The following ATP2C1 variants were observed in gnomAD, a reference collection of about 807,000 sequenced individuals.
ATP2C1 encodes the protein ATPase secretory pathway Ca2+ transporting 1.
A neutral mutation model predicts 120.5 loss-of-function variants in ATP2C1; 31 were observed. The ratio of observed to expected loss-of-function variants is 0.26; its 90% CI spans 0.19 to 0.35. ATP2C1 has a LOEUF of 0.35. Ranked by LOEUF, ATP2C1 falls within the 10% of genes least tolerant of loss-of-function variation. ATP2C1 has a pLI of 1.00. For missense variants in ATP2C1, 731 were observed against 1,107.5 expected (o/e 0.66, Z 4.83); for synonymous variants, 351 against 358.7 (o/e 0.98, Z 0.24).
rs1052641355 is a variant in ATP2C1 at position 130,919,088 on chromosome 3, C to T, written c.7-11328C>T. ...TGGTGCACGGCCCTCCCGCAGACCC[C>T]ACACTTGTTTCCACCTCTCCACGCA... is the stretch of plus-strand genomic sequence containing the variant. On this transcript the variant is annotated intron_variant, in intron 2 of 27. Transcript: ENST00000510168. The T allele has an allele frequency of 6.7e-5, 31 of 463,364 alleles. No homozygotes were observed. In the East Asian group the frequency reaches 1.9e-3, roughly 29 times the overall value. The allele number at this position is 463,364 out of a possible 1,614,324, so 28.7% of individuals were successfully genotyped here. A position where few individuals can be genotyped will look rare whatever the true frequency, so the allele number is the denominator to read the frequency against.
Position 130,946,600 on chromosome 3 carries a change from C to T in ATP2C1, c.531+4901C>T, listed in dbSNP as rs867077306. Among the ~76,000 whole-genome samples, 12 of 152,284 alleles carry T rather than the reference C, an allele frequency of 7.9e-5. No individual in the cohort carries two copies. In the East Asian group the frequency reaches 1.5e-3, roughly 20 times the overall value. On this transcript the variant is annotated intron_variant, in intron 8 of 27. Transcript: ENST00000510168. ...ACCCGCTAACAAGCAGCTTCCTCCA[C>T]GTTGGGTAAATCCATTACTGGAGCA...
At chr3:130,985,462 A>G (rs1008811826) in intron 20 of ATP2C1, among the ~76,000 whole-genome samples, 5 of 151,860 alleles carry the variant, frequency 3.3e-5, no homozygotes, top group African/African-American at 9.7e-5. Flanking sequence ...GCGAAACCCC[A>G]TCTCTACTAA....
At chr3:131,003,662 C>T (rs2062992778), downstream of ATP2C1, among the ~76,000 whole-genome samples, 1 of 152,186 alleles carries the variant, frequency 6.6e-6, no homozygotes, top group South Asian at 2.1e-4. Context: ...CGAAGACCCT[C>T]CCCTCTCAGG....
chr3:130,874,554 T>C (rs1231547267), intron 1 of ATP2C1, among the ~76,000 whole-genome samples: 1 of 152,258 alleles, frequency 6.6e-6, no homozygotes, highest in African/African-American at 2.4e-5. Context: ...TCTCATTTAA[T>C]CTATCAATTA....
At chr3:130,908,967 AT>A (rs1432782803) in intron 2 of ATP2C1, among the ~76,000 whole-genome samples, 1 of 152,084 alleles carries the variant, frequency 6.6e-6, no homozygotes, top group East Asian at 1.9e-4. Context: ...AAGAGTTGTG[AT>A]TGTGCTAGTT....
chr3:130,918,614 A>G lies in ATP2C1; in HGVS notation c.7-11802A>G, dbSNP rs560983453. ...AGCCTTTTGGCCCATACTTCTTTCC[A>G]TAGCAGGATTTGCAGTAAATCTCTT... On this transcript the variant is annotated intron_variant, in intron 2 of 27. Coordinates refer to ENST00000510168, the MANE Select transcript of ATP2C1 (RefSeq NM_001378687.1). 1.7e-4 allele frequency: 114 copies of G among 679,968 alleles called. 1 individual carries two copies. The African/African-American group carries it at 1.9e-3, about 11-fold the overall frequency. 42.1% of individuals were successfully genotyped at this position (679,968 alleles called of 1,614,324 possible).
At chr3:130,943,088 A>C (rs945229165) in intron 8 of ATP2C1, among the ~76,000 whole-genome samples, 1 of 152,210 alleles carries the variant, frequency 6.6e-6, no homozygotes, top group Non-Finnish European at 1.5e-5. Flanking sequence ...GTTTTCATTT[A>C]ACTAAGGGTT....
chr3:130,877,167 T>C (rs2068630749), intron 1 of ATP2C1, among the ~76,000 whole-genome samples: 1 of 152,202 alleles, frequency 6.6e-6, no homozygotes, highest in Non-Finnish European at 1.5e-5. Context: ...TGGTTTTCAT[T>C]TGTGTGGAAT....
chr3:130,894,095 G>C lies in ATP2C1; in HGVS notation c.-423G>C. 1 of 976,100 alleles carries C rather than the reference G, an allele frequency of 1.0e-6. No individual in the cohort carries two copies. Among genetic ancestry groups the C allele is most frequent in the Non-Finnish European group, 1.2e-6 (1 of 821,470 alleles). 60.5% of individuals were successfully genotyped at this position (976,100 alleles called of 1,614,324 possible). ...TCGGAGGCGGGAGCAGACCAGCACG[G>C]CCTCGCGGAGCCGGCCCGGCGGACC... On this transcript the variant is annotated 5_prime_UTR_variant, in exon 1 of 28. Transcript: ENST00000510168. The surrounding 1 kb of genome is among the most constrained non-coding windows in gnomAD (Gnocchi z 4.5).
intron 8 of ATP2C1, among the ~76,000 whole-genome samples, chr3:130,949,671 T>C (rs2060288080): frequency 6.6e-6 from 1 of 152,170 alleles, no homozygotes; most frequent in South Asian, 2.1e-4. Context: ...AGTTAGCAAT[T>C]TATGTAAGCA....
upstream of ATP2C1, among the ~76,000 whole-genome samples, chr3:130,893,012 A>G (rs2069241438): frequency 6.6e-6 from 1 of 152,208 alleles, no homozygotes; most frequent in South Asian, 2.1e-4. Context: ...TCTAGCATAT[A>G]CGGAAATTTT....
rs753092105 is a variant in ATP2C1 at position 130,979,452 on chromosome 3, A to G, written c.1741+33A>G. On this transcript the variant is annotated intron_variant, in intron 19 of 27. Transcript: ENST00000510168. ...TAGACTGCTTTCTTTTGTTTTCGAT[A>G]GTTTTTCTTAAAATACTGTGGTGCA... 7 of 1,606,702 alleles carry G rather than the reference A, an allele frequency of 4.4e-6. No homozygotes were observed. The South Asian group carries it at 7.7e-5, about 18-fold the overall frequency.
chr3:130,903,545 G>T (rs1251822822), intron 2 of ATP2C1, among the ~76,000 whole-genome samples: 1 of 151,962 alleles, frequency 6.6e-6, no homozygotes, highest in African/African-American at 2.4e-5. Context: ...TGAAATGAAT[G>T]TCATTGGTCA....
intron 8 of ATP2C1, among the ~76,000 whole-genome samples, chr3:130,948,472 T>C (rs1479763071): frequency 6.6e-6 from 1 of 152,186 alleles, no homozygotes; most frequent in Non-Finnish European, 1.5e-5. Flanking sequence ...TTCAAGATTC[T>C]GTCTTTATCT....
intron 24 of ATP2C1, 98 bp downstream of exon 24, chr3:130,996,894 CT>C: frequency 1.2e-6 from 1 of 863,916 alleles, no homozygotes; most frequent in Non-Finnish European, 2.0e-6. Flanking sequence ...TGTTGGAAAA[CT>C]TTGCAGCAAA....
chr3:130,956,306 TATA>T, intron 11 of ATP2C1, 127 bp downstream of exon 11: 1 of 540,946 alleles, frequency 1.8e-6, no homozygotes, highest in Non-Finnish European at 3.2e-6. Context: ...TTTTTAAAAT[TATA>T]AGACTACTAG....
intron 1 of ATP2C1, among the ~76,000 whole-genome samples, chr3:130,880,052 A>G (rs2068733551): frequency 6.6e-6 from 1 of 152,238 alleles, no homozygotes; most frequent in South Asian, 2.1e-4. Flanking sequence ...GAGGAGTGCA[A>G]AGGTGTTCAT....
At chr3:130,875,535 C>T (rs1173595358) in intron 1 of ATP2C1, among the ~76,000 whole-genome samples, 2 of 152,166 alleles carry the variant, frequency 1.3e-5, no homozygotes, top group Non-Finnish European at 2.9e-5. Flanking sequence ...TGTTGATGGA[C>T]TTGTAGTTTG....
chr3:130,905,312 A>T (rs780845524), intron 2 of ATP2C1, among the ~76,000 whole-genome samples: 1 of 152,048 alleles, frequency 6.6e-6, no homozygotes, highest in Admixed American at 6.6e-5. Context: ...ACTGCCAGTG[A>T]TGCTGCCAGT....
Sources: gnomAD v4.1 joint callset for allele counts (sites outside exome capture counted in the v4.1 genomes callset) on GRCh38, gnomAD v4.1.1 for gene constraint, Gnocchi (gnomAD v3.1) non-coding constraint, MANE v1.5 for transcripts, NCBI Gene and HGNC (gene_info 2026-07-23, HGNC 2026-07-21) for gene names.